Variants in SNX13 observed in about 807,000 individuals in gnomAD.
SNX13 encodes the protein sorting nexin 13, also known as sorting nexin-13.
A neutral mutation model predicts 133.6 loss-of-function variants in SNX13; 45 were observed. The ratio of observed to expected loss-of-function variants is 0.34; its 90% CI spans 0.27 to 0.43. The LOEUF is 0.43. Ranked by LOEUF, SNX13 falls within the 20% of genes least tolerant of loss-of-function variation. SNX13 has a pLI of 1.00. For missense variants in SNX13, 1,032 were observed against 1,145.1 expected, an observed-to-expected ratio of 0.90 and a Z score of 1.43; for synonymous variants, 414 against 373.9, an observed-to-expected ratio of 1.11 and a Z score of -1.24.
At chr7:17,837,073 G>A (rs1292159378) in intron 13 of SNX13, among the ~76,000 whole-genome samples, 26 of 151,720 alleles carry the variant, frequency 1.7e-4, no homozygotes. Flanking sequence ...CTCTTTTCAA[G>A]CCCACCTCAC....
At chr7:17,881,343 C>T (rs887493738) in intron 5 of SNX13, 1 of 151,312 alleles carries the variant, frequency 6.6e-6, no homozygotes, top group African/African-American at 2.4e-5. Context: ...TACACAAACA[C>T]ACACACACAC....
chr7:17,818,182 G>T (rs1484542393), intron 18 of SNX13, among the ~76,000 whole-genome samples: 1 of 152,096 alleles, frequency 6.6e-6, no homozygotes, highest in Non-Finnish European at 1.5e-5. Context: ...CTTGATCTTT[G>T]ATTTCTAGTC....
chr7:17,901,877 G>A (rs1370532918), intron 1 of SNX13, among the ~76,000 whole-genome samples: 1 of 152,030 alleles, frequency 6.6e-6, no homozygotes, highest in Non-Finnish European at 1.5e-5. Flanking sequence ...CTTCTATTTG[G>A]CCATCCTGCT....
chr7:17,797,670 T>C (rs1784204240), intron 24 of SNX13, among the ~76,000 whole-genome samples: 1 of 151,788 alleles, frequency 6.6e-6, no homozygotes, highest in African/African-American at 2.4e-5. Flanking sequence ...TCCCTGGACA[T>C]GGGATCTAGG....
At chr7:17,798,629 T>C (rs1341637278) in intron 24 of SNX13, 61 bp downstream of exon 24, 2 of 1,234,412 alleles carry the variant, frequency 1.6e-6, no homozygotes, top group Non-Finnish European at 2.3e-6. Context: ...GAAAGTTAAT[T>C]AGTGATAACA....
chr7:17,853,379 G>A (rs746797199), intron 9 of SNX13, among the ~76,000 whole-genome samples: 58 of 152,018 alleles, frequency 3.8e-4, no homozygotes, highest in Non-Finnish European at 7.4e-4. Flanking sequence ...AATAGACTTC[G>A]GATGTTATCT....
intron 12 of SNX13, among the ~76,000 whole-genome samples, chr7:17,844,135 G>C (rs187723057): frequency 6.6e-6 from 1 of 151,936 alleles, no homozygotes; most frequent in Non-Finnish European, 1.5e-5. Context: ...GAAAGCAATA[G>C]TTGATTCTTT....
intron 15 of SNX13, chr7:17,830,365 A>C: frequency 1.0e-6 from 1 of 984,392 alleles, no homozygotes; most frequent in Non-Finnish European, 1.2e-6. Context: ...CTAATACAAT[A>C]TAAGCATGAG....
chr7:17,859,417 T>A (rs1328705067), intron 9 of SNX13, among the ~76,000 whole-genome samples: 1 of 152,100 alleles, frequency 6.6e-6, no homozygotes, highest in Non-Finnish European at 1.5e-5. Flanking sequence ...TTGACAATGC[T>A]AAATGTTAAT....
In SNX13 at chr7:17,801,637, G is replaced by A. The variant is rs1369556478; in HGVS notation, c.2249C>T (p.Thr750Ile). 1 of 1,608,766 alleles carries A rather than the reference G, an allele frequency of 6.2e-7. No homozygotes were observed. Among genetic ancestry groups the A allele is most frequent in the African/African-American group, 1.3e-5 (1 of 74,888 alleles). ...FFKVPPLIPK[T>I]DSDPEHRRVS... ...TCGGCGATGTTCAGGGTCTGAATCA[G>A]TCTTAGGAATTAAAGGAGGCACCTA... Residue 750 changes from threonine (T) to isoleucine (I), a missense_variant, in exon 22 of 26, where the codon ACT (threonine) becomes ATT (isoleucine). Transcript: ENST00000428135.
At chr7:17,940,052 G>C (rs1201575696) in intron 1 of SNX13, among the ~76,000 whole-genome samples, 1 of 152,194 alleles carries the variant, frequency 6.6e-6, no homozygotes, top group African/African-American at 2.4e-5. Flanking sequence ...AGGGGCGAGT[G>C]GCAAGTGGCA....
intron 1 of SNX13, among the ~76,000 whole-genome samples, chr7:17,924,896 T>C (rs979884647): frequency 2.0e-5 from 3 of 152,086 alleles, no homozygotes; most frequent in African/African-American, 7.2e-5. Context: ...ACAACGCCAC[T>C]CATATAACAT....
chr7:17,801,011 TATATATATATATATATA>T (rs1784556704), intron 22 of SNX13, among the ~76,000 whole-genome samples: 6 of 13,288 alleles, frequency 4.5e-4, no homozygotes, highest in Admixed American at 2.1e-3. Flanking sequence ...AAACTGAACA[TATATATATATATATATA>T]TATATATATA....
intron 18 of SNX13, among the ~76,000 whole-genome samples, chr7:17,817,008 A>G (rs527826158): frequency 2.0e-5 from 3 of 152,362 alleles, no homozygotes; most frequent in African/African-American, 4.8e-5. Context: ...TAGTAGTTAT[A>G]TAACCCCGTG....
intron 3 of SNX13, among the ~76,000 whole-genome samples, chr7:17,891,949 G>C (rs2127993327): frequency 6.6e-6 from 1 of 152,222 alleles, no homozygotes; most frequent in African/African-American, 2.4e-5. Context: ...TTTCATGTGA[G>C]TCAAACTGTC....
chr7:17,881,412 A>C (rs1338817757), intron 5 of SNX13: 1 of 152,172 alleles, frequency 6.6e-6, no homozygotes, highest in South Asian at 2.1e-4. Flanking sequence ...ATAATAACCA[A>C]TCACATAAAA....
At chr7:17,838,541 ATTT>A (rs1789434388) in intron 13 of SNX13, among the ~76,000 whole-genome samples, 1 of 151,638 alleles carries the variant, frequency 6.6e-6, no homozygotes, top group Non-Finnish European at 1.5e-5. Context: ...TCATTTCTAG[ATTT>A]TTAAGTAAAA....
At chr7:17,801,827 T>C (rs1353030024) in intron 21 of SNX13, among the ~76,000 whole-genome samples, 168 bp from the exon 22 acceptor site, 1 of 152,042 alleles carries the variant, frequency 6.6e-6, no homozygotes, top group Non-Finnish European at 1.5e-5. Context: ...AGGGTAATTA[T>C]TTCATTACTA....
At chr7:17,839,152 T>A (rs1483514540) in intron 13 of SNX13, among the ~76,000 whole-genome samples, 1 of 149,402 alleles carries the variant, frequency 6.7e-6, no homozygotes, top group African/African-American at 2.4e-5. Context: ...TACAATCATA[T>A]TACATAAAAT....
Sources: allele counts gnomAD v4.1 joint callset (sites outside exome capture counted in the v4.1 genomes callset), GRCh38; gene constraint gnomAD v4.1.1; transcripts MANE v1.5; gene names NCBI Gene and HGNC (gene_info 2026-07-23, HGNC 2026-07-21).